Variants in CDH12 observed in about 807,000 individuals in gnomAD.
The protein encoded by CDH12 is cadherin 12, also known as cadherin-12.
In CDH12, 41 loss-of-function variants were observed where a neutral mutation model predicts 74.1. The ratio of observed to expected loss-of-function variants is 0.55; its 90% CI spans 0.43 to 0.72. CDH12 has a LOEUF of 0.72. Among genes scored for constraint, CDH12 ranks in the 30% least tolerant of loss-of-function variants. The probability of loss-of-function intolerance (pLI) is 0.00; values close to 1 mark genes in which losing one functional copy is unlikely to be tolerated. For synonymous variants in CDH12, 399 were observed against 355.0 expected (o/e 1.12, Z -1.39); for missense variants, 945 against 977.2 (o/e 0.97, Z 0.44).
At chr5:22,643,118 A>T (rs532984473) in intron 1 of CDH12, among the ~76,000 whole-genome samples, 2 of 152,336 alleles carry the variant, frequency 1.3e-5, no homozygotes, top group African/African-American at 4.8e-5. Context: ...TAAAATAAAA[A>T]GTGCAAGCTA....
chr5:22,210,683 T>C (rs1375687983), intron 4 of CDH12, among the ~76,000 whole-genome samples: 1 of 151,964 alleles, frequency 6.6e-6, no homozygotes, highest in Admixed American at 6.6e-5. Context: ...GGTCAATACA[T>C]CCAACAAAAA....
chr5:22,173,019 A>G (rs549958316), intron 4 of CDH12, among the ~76,000 whole-genome samples: 38 of 151,580 alleles, frequency 2.5e-4, no homozygotes, highest in African/African-American at 7.0e-4. Flanking sequence ...TTTCTTCTAG[A>G]TGTCAAATTG....
intron 3 of CDH12, among the ~76,000 whole-genome samples, chr5:22,315,678 T>C (rs2150432779): frequency 6.6e-6 from 1 of 152,282 alleles, no homozygotes; most frequent in South Asian, 2.1e-4. Flanking sequence ...AAAAAAAATG[T>C]ATTTTTTAGA....
chr5:22,482,524 A>G (rs1746423912), intron 2 of CDH12, among the ~76,000 whole-genome samples: 1 of 152,196 alleles, frequency 6.6e-6, no homozygotes, highest in Non-Finnish European at 1.5e-5. Context: ...TATCATGTAT[A>G]TAACTTTACC....
In CDH12 at chr5:22,415,225, ATGT is replaced by A. The variant is rs534525299; in HGVS notation, c.-427-9877_-427-9875del. Among the ~76,000 whole-genome samples, 625 of 152,108 alleles carry A rather than the reference ATGT, an allele frequency of 4.1e-3. 7 individuals are homozygous for A. Among genetic ancestry groups the A allele is most frequent in the African/African-American group, 0.014 (594 of 41,474 alleles). Reference sequence around the variant, plus strand: ...AATAATAAAGGGGAAAATTGACACAATGTTTTTTTTTGAAAATTGACACATATG... The same window carrying A: ...AATAATAAAGGGGAAAATTGACACAATTTTTTTTGAAAATTGACACATATG... On this transcript the variant is annotated intron_variant, in intron 2 of 14. Transcript: ENST00000382254.
intron 5 of CDH12, among the ~76,000 whole-genome samples, chr5:22,019,346 T>C (rs920801648): frequency 7.9e-5 from 12 of 152,126 alleles, no homozygotes; most frequent in Non-Finnish European, 1.8e-4. Flanking sequence ...TTTTAGAAAA[T>C]GCCAGTTAGA....
chr5:21,906,336 G>A (rs909219870), intron 6 of CDH12, among the ~76,000 whole-genome samples: 1 of 152,058 alleles, frequency 6.6e-6, no homozygotes, highest in African/African-American at 2.4e-5. Flanking sequence ...AATGAAATTT[G>A]CAATGTTCTA....
intron 6 of CDH12, among the ~76,000 whole-genome samples, chr5:21,872,851 T>A (rs1447438586): frequency 7.0e-6 from 1 of 143,580 alleles, no homozygotes; most frequent in African/African-American, 2.6e-5. Flanking sequence ...TATCTATCGA[T>A]CTATCATCTA....
intron 4 of CDH12, among the ~76,000 whole-genome samples, chr5:22,114,450 A>G (rs567156745): frequency 3.2e-4 from 48 of 152,176 alleles, no homozygotes; most frequent in Non-Finnish European, 4.9e-4. Flanking sequence ...AAATGTATCT[A>G]ACTATAGAAA....
chr5:21,835,402 C>G (rs556138443), intron 8 of CDH12, among the ~76,000 whole-genome samples: 5 of 151,554 alleles, frequency 3.3e-5, no homozygotes, highest in African/African-American at 1.2e-4. Flanking sequence ...TATATATACA[C>G]AAATGAATTT....
chr5:22,596,202 C>T (rs1485143809), intron 1 of CDH12, among the ~76,000 whole-genome samples: 4 of 151,796 alleles, frequency 2.6e-5, no homozygotes, highest in Non-Finnish European at 5.9e-5. Context: ...TCTGGGAGGC[C>T]GAGACTGGAT....
In CDH12 at chr5:22,078,376, A is replaced by T. The variant is rs949787559; in HGVS notation, c.231+70T>A. 1.5e-5 allele frequency: 20 copies of T among 1,362,052 alleles called. No homozygotes were observed. The African/African-American group carries it at 2.4e-4, about 17-fold the overall frequency. 84.4% of individuals were successfully genotyped at this position (1,362,052 alleles called of 1,614,324 possible). On this transcript the variant is annotated intron_variant, in intron 5 of 14. Transcript: ENST00000382254. The stretch of plus-strand genomic sequence containing the variant: ...GGTTTGTTCAACTCCTGTGCAAAAC[A>T]TCCATACAAAATACACAATGCATAT...
intron 1 of CDH12, among the ~76,000 whole-genome samples, chr5:22,650,256 A>G (rs562004260): frequency 2.6e-5 from 4 of 152,112 alleles, no homozygotes; most frequent in African/African-American, 4.8e-5. Flanking sequence ...CACACAGGAA[A>G]CTTCAGAGGG....
intron 2 of CDH12, among the ~76,000 whole-genome samples, chr5:22,432,944 C>T (rs1744233897): frequency 6.6e-6 from 1 of 152,006 alleles, no homozygotes; most frequent in Non-Finnish European, 1.5e-5. Context: ...TTCCTGAGCA[C>T]TGGAGTTATA....
chr5:22,229,385 G>T (rs1580426869), intron 3 of CDH12, among the ~76,000 whole-genome samples: 1 of 130,550 alleles, frequency 7.7e-6, no homozygotes, highest in Non-Finnish European at 1.6e-5. Flanking sequence ...TAGACATTAA[G>T]AATAACATAG....
rs139615566 is a variant in CDH12, at chr5:22,791,885, A to G, written c.-523+61173T>C. ...CCTCCCACAAGGCCCCTCCCTTGAC[A>G]TGTTGGGATTACAATTCAAGATGAG... On this transcript the variant is annotated intron_variant, in intron 1 of 14. Transcript: ENST00000382254. Among the ~76,000 whole-genome samples the G allele has an allele frequency of 1.5e-3, 223 of 152,234 alleles. 1 individual carries two copies. The highest frequency in any genetic ancestry group is 0.01 in the Admixed American group (155 of 15,286).
chr5:22,048,173 A>G (rs1029895911), intron 5 of CDH12, among the ~76,000 whole-genome samples: 6 of 152,140 alleles, frequency 3.9e-5, no homozygotes, highest in Non-Finnish European at 7.3e-5. Flanking sequence ...TTTCTTTCTC[A>G]TCATAAGACT....
intron 4 of CDH12, among the ~76,000 whole-genome samples, chr5:22,088,325 G>T (rs1328971126): frequency 2.6e-5 from 4 of 152,084 alleles, no homozygotes; most frequent in African/African-American, 9.7e-5. Context: ...GTGGAGGAGA[G>T]AACCAAGACT....
intron 1 of CDH12, among the ~76,000 whole-genome samples, chr5:22,797,488 C>T (rs1748290684): frequency 6.6e-6 from 1 of 152,146 alleles, no homozygotes; most frequent in African/African-American, 2.4e-5. Flanking sequence ...TACTAAGTGG[C>T]TTCTGACTCT....
Sources: allele counts gnomAD v4.1 joint callset (sites outside exome capture counted in the v4.1 genomes callset), GRCh38; gene constraint gnomAD v4.1.1; transcripts MANE v1.5; gene names NCBI Gene and HGNC (gene_info 2026-07-23, HGNC 2026-07-21).